JAK1: variants seen among roughly 807,000 people sequenced by gnomAD.
JAK1 encodes the protein Janus kinase 1.
In JAK1, 16 loss-of-function variants were observed where a neutral mutation model predicts 136.6. The observed-to-expected ratio is 0.12, with a 90% CI of 0.08 to 0.18. The LOEUF (loss-of-function observed/expected upper bound fraction) is 0.18. Ranked by LOEUF, JAK1 falls within the 10% of genes least tolerant of loss-of-function variation. The pLI is 1.00. For missense variants in JAK1, 859 were observed against 1,450.1 expected, an observed-to-expected ratio of 0.59 and a Z score of 6.62; for synonymous variants, 492 against 519.5, an observed-to-expected ratio of 0.95 and a Z score of 0.72.
At chr1:65,018,779 G>A (rs1646912397) in intron 2 of JAK1, among the ~76,000 whole-genome samples, 1 of 152,180 alleles carries the variant, frequency 6.6e-6, no homozygotes, top group Non-Finnish European at 1.5e-5. Flanking sequence ...GGGAGGCCGA[G>A]GCGGGCAGAT....
At chr1:65,008,462 G>C (rs1646821507) in intron 2 of JAK1, among the ~76,000 whole-genome samples, 1 of 152,036 alleles carries the variant, frequency 6.6e-6, no homozygotes, top group Non-Finnish European at 1.5e-5. Context: ...TTAAGAGACA[G>C]AGTCTCACTG....
At chr1:64,919,715 C>T (rs553331297) in intron 1 of JAK1, among the ~76,000 whole-genome samples, 1 of 152,098 alleles carries the variant, frequency 6.6e-6, no homozygotes, top group South Asian at 2.1e-4. Context: ...CATCATTTGC[C>T]AATTTGTGCC....
At chr1:65,001,676 TGTG>T (rs1232730152) in intron 2 of JAK1, among the ~76,000 whole-genome samples, 7 of 89,102 alleles carry the variant, frequency 7.9e-5, no homozygotes, top group African/African-American at 3.4e-4. Flanking sequence ...AAAGTGTGTG[TGTG>T]GGGGGGGGGG....
chr1:65,063,258 T>G (rs1647887026), intron 1 of JAK1, among the ~76,000 whole-genome samples: 2 of 152,180 alleles, frequency 1.3e-5, no homozygotes, highest in African/African-American at 4.8e-5. Flanking sequence ...TTGCCACACA[T>G]TGTTTTCCGG....
chr1:64,854,212 T>C (rs1655778994), intron 11 of JAK1, among the ~76,000 whole-genome samples: 2 of 152,172 alleles, frequency 1.3e-5, no homozygotes, highest in Non-Finnish European at 2.9e-5. Flanking sequence ...TCCCTTTCTA[T>C]CCTGGTGCTG....
At chr1:65,016,123 A>G (rs1432888537) in intron 2 of JAK1, among the ~76,000 whole-genome samples, 1 of 152,238 alleles carries the variant, frequency 6.6e-6, no homozygotes, top group African/African-American at 2.4e-5. Flanking sequence ...CTACACTGAC[A>G]TGAAATATCT....
Position 64,939,187 on chromosome 1 carries a change from G to T in JAK1, c.-78+27146C>A, listed in dbSNP as rs115926439. Among the ~76,000 whole-genome samples, 816 of 152,338 alleles carry T rather than the reference G, an allele frequency of 5.4e-3. 5 individuals carry two copies. The highest frequency in any genetic ancestry group is 9.5e-3 in the Non-Finnish European group (644 of 68,032). On this transcript the variant is annotated intron_variant, in intron 1 of 24. Coordinates refer to ENST00000342505, the MANE Select transcript of JAK1 (RefSeq NM_002227.4). ...CTTGCCCCCAGGGCACACTTTTCTGGCTGCCATCAACCCTGCTGCCTAGAT... is the reference window on the plus strand; with the variant it reads ...CTTGCCCCCAGGGCACACTTTTCTGTCTGCCATCAACCCTGCTGCCTAGAT...
At chr1:64,951,903 C>T (rs572270479) in intron 1 of JAK1, among the ~76,000 whole-genome samples, 14 of 152,108 alleles carry the variant, frequency 9.2e-5, no homozygotes, top group African/African-American at 2.9e-4. Context: ...GTGATCCGCC[C>T]GCCTCGGCCT....
chr1:64,958,321 T>TAAA (rs939534790), intron 1 of JAK1, among the ~76,000 whole-genome samples: 1 of 152,212 alleles, frequency 6.6e-6, no homozygotes, highest in African/African-American at 2.4e-5. Context: ...TCTACACAAG[T>TAAA]AAAAACATGA....
At chr1:64,949,966 G>T (rs1646052517) in intron 1 of JAK1, among the ~76,000 whole-genome samples, 1 of 152,040 alleles carries the variant, frequency 6.6e-6, no homozygotes, top group South Asian at 2.1e-4. Context: ...TTATTACAAA[G>T]ACTCTATTAA....
chr1:64,930,999 G>C (rs1403170130), intron 1 of JAK1, among the ~76,000 whole-genome samples: 1 of 152,012 alleles, frequency 6.6e-6, no homozygotes, highest in Non-Finnish European at 1.5e-5. Flanking sequence ...GGCCAGTCAG[G>C]GGGTGGGGGA....
chr1:64,944,916 C>T (rs1645957194), intron 1 of JAK1, among the ~76,000 whole-genome samples: 3 of 152,062 alleles, frequency 2.0e-5, no homozygotes, highest in African/African-American at 7.2e-5. Context: ...GGAAGGGAGG[C>T]AGCAGCCAAT....
At chr1:64,841,193 T>C (rs1317720037) in intron 19 of JAK1, 52 bp downstream of exon 19, 5 of 1,265,894 alleles carry the variant, frequency 3.9e-6, no homozygotes, top group African/African-American at 1.5e-5. Flanking sequence ...AGTGGCGCTG[T>C]GGATGGCGGA....
intron 1 of JAK1, among the ~76,000 whole-genome samples, chr1:65,046,601 G>A (rs1178221844): frequency 6.6e-6 from 1 of 152,130 alleles, no homozygotes; most frequent in African/African-American, 2.4e-5. Context: ...AGTGGAACAG[G>A]CCATTTGGTT....
At chr1:64,870,694 C>T (rs1003245645) in intron 5 of JAK1, among the ~76,000 whole-genome samples, 1 of 152,046 alleles carries the variant, frequency 6.6e-6, no homozygotes, top group African/African-American at 2.4e-5. Flanking sequence ...GAGAAGTGTT[C>T]CTGCATATGT....
At position 64,859,286 on chromosome 1, in the gene JAK1, A is replaced by T. The variant is rs1417708270; in HGVS notation, c.1334+819T>A. Among the ~76,000 whole-genome samples the T allele has an allele frequency of 2.0e-5, 3 of 152,364 alleles. No homozygotes were observed. The East Asian group carries it at 5.8e-4, about 29-fold the overall frequency. On this transcript the variant is annotated intron_variant, in intron 9 of 24. Transcript: ENST00000342505. ...TTTGCCTGAAGGGCTGTCATATGTA[A>T]GAGAAAGTCAAAAGAATCCCTGTTG...
intron 22 of JAK1, among the ~76,000 whole-genome samples, chr1:64,836,712 T>C (rs189891023): frequency 3.3e-5 from 5 of 152,228 alleles, no homozygotes; most frequent in African/African-American, 1.2e-4. Context: ...CTCACTTCTC[T>C]CAAACCCTAC....
In JAK1 at chr1:64,834,428, C is replaced by CTGAA; in HGVS notation, c.*130_*133dup. The CTGAA allele has an allele frequency of 1.6e-6, 1 of 636,786 alleles. No individual in the cohort carries two copies. The highest frequency in any genetic ancestry group is 2.6e-5 in the Admixed American group (1 of 38,538). 39.4% of individuals were successfully genotyped at this position (636,786 alleles called of 1,614,324 possible). A position where few individuals can be genotyped will look rare whatever the true frequency, so the allele number is the denominator to read the frequency against. Reference sequence around the variant, plus strand: ...AGTGTGCCTTATACATGTATATGTACTGAAGTATGAGTTCAGTGACTTTTT... The same window carrying CTGAA: ...AGTGTGCCTTATACATGTATATGTACTGAATGAAGTATGAGTTCAGTGACTTTTT... On this transcript the variant is annotated 3_prime_UTR_variant, in exon 25 of 25. Transcript: ENST00000342505.
rs564648047 is a variant in JAK1, at chr1:64,863,319, C to T, written c.1176+1468G>A. The stretch of plus-strand genomic sequence containing the variant: ...CCAGGATGCAGCATATGACACGGGG[C>T]CTAATATCCAGGATGCAGCATATGA... On this transcript the variant is annotated intron_variant, in intron 8 of 24. Transcript: ENST00000342505. 2.0e-5 allele frequency among the ~76,000 whole-genome samples: 3 copies of T among 150,058 alleles called. No homozygotes were observed. The South Asian group carries it at 6.4e-4, about 32-fold the overall frequency.
Sources: gnomAD v4.1 joint callset for allele counts (sites outside exome capture counted in the v4.1 genomes callset) on GRCh38, gnomAD v4.1.1 for gene constraint, MANE v1.5 for transcripts, NCBI Gene and HGNC (gene_info 2026-07-23, HGNC 2026-07-21) for gene names.